The following MEIS2 variants were observed in gnomAD, a reference collection of about 807,000 sequenced individuals.
MEIS2 encodes Meis homeobox 2.
A neutral mutation model predicts 58.6 loss-of-function variants in MEIS2; 9 were observed. That is an observed-to-expected ratio of 0.15 (90% CI 0.09 to 0.27). The LOEUF (loss-of-function observed/expected upper bound fraction) is 0.27, where lower values mean the gene tolerates loss of function less well. Ranked by LOEUF, MEIS2 falls within the 10% of genes least tolerant of loss-of-function variation. MEIS2 has a pLI of 1.00. For synonymous variants in MEIS2, 221 were observed against 228.4 expected (o/e 0.97, Z 0.29); for missense variants, 427 against 635.0 (o/e 0.67, Z 3.52).
chr15:37,051,407 T>C (rs191419058), intron 7 of MEIS2, among the ~76,000 whole-genome samples: 4 of 152,038 alleles, frequency 2.6e-5, no homozygotes, highest in African/African-American at 4.8e-5. Flanking sequence ...TTCTAGAAAA[T>C]GCAAACTTAT....
chr15:36,979,704 T>A (rs889727782), intron 8 of MEIS2, among the ~76,000 whole-genome samples: 1 of 147,428 alleles, frequency 6.8e-6, no homozygotes, highest in African/African-American at 2.5e-5. Context: ...TATAAAAATA[T>A]ATATAATATA....
intron 8 of MEIS2, among the ~76,000 whole-genome samples, chr15:37,011,822 G>A (rs1284371814): frequency 6.6e-6 from 1 of 151,854 alleles, no homozygotes; most frequent in Non-Finnish European, 1.5e-5. Flanking sequence ...GTTTCATCAT[G>A]TTGGTCAGGC....
chr15:36,940,517 A>T (rs2058337527), intron 9 of MEIS2, among the ~76,000 whole-genome samples: 1 of 151,918 alleles, frequency 6.6e-6, no homozygotes, highest in African/African-American at 2.4e-5. Flanking sequence ...AATTTAGTGA[A>T]CTCCAGTGTT....
chr15:36,893,718 G>C (rs1031902909), intron 11 of MEIS2, among the ~76,000 whole-genome samples: 1 of 152,122 alleles, frequency 6.6e-6, no homozygotes. Flanking sequence ...AGCTGTTTTA[G>C]GGAACATTGC....
intron 7 of MEIS2, among the ~76,000 whole-genome samples, chr15:37,080,703 A>AT (rs1219864683): frequency 2.0e-5 from 3 of 152,020 alleles, no homozygotes; most frequent in Non-Finnish European, 4.4e-5. Context: ...GAAAAACCAG[A>AT]TTTTCTTCCT....
At chr15:36,982,683 G>T (rs1333408980) in intron 8 of MEIS2, among the ~76,000 whole-genome samples, 1 of 152,132 alleles carries the variant, frequency 6.6e-6, no homozygotes, top group Non-Finnish European at 1.5e-5. Context: ...TGAGATTGCT[G>T]TATCACATGA....
intron 9 of MEIS2, among the ~76,000 whole-genome samples, chr15:36,903,192 A>G (rs1282476852): frequency 6.6e-6 from 1 of 152,212 alleles, no homozygotes; most frequent in East Asian, 1.9e-4. Context: ...ATGGCATGTA[A>G]CAAAACATCC....
chr15:37,049,355 G>T (rs1397910155), intron 7 of MEIS2, among the ~76,000 whole-genome samples: 1 of 152,068 alleles, frequency 6.6e-6, no homozygotes, highest in Non-Finnish European at 1.5e-5. Context: ...TCCTAAAATC[G>T]GCTGTGTTGA....
At chr15:37,021,074 C>G (rs1315823278) in intron 8 of MEIS2, among the ~76,000 whole-genome samples, 1 of 152,176 alleles carries the variant, frequency 6.6e-6, no homozygotes, top group Non-Finnish European at 1.5e-5. Context: ...CTTGGACTTT[C>G]CAGCCTCCAG....
chr15:36,945,543 T>A (rs951974775), intron 9 of MEIS2, among the ~76,000 whole-genome samples: 1 of 152,078 alleles, frequency 6.6e-6, no homozygotes, highest in Non-Finnish European at 1.5e-5. Context: ...GGGAAACTGA[T>A]TCTTTTCTCT....
At chr15:36,981,590 G>A (rs755077740) in intron 8 of MEIS2, among the ~76,000 whole-genome samples, 48 of 152,120 alleles carry the variant, frequency 3.2e-4, no homozygotes, top group African/African-American at 7.0e-4. Flanking sequence ...GTGTGTGTGC[G>A]TGCTTGCATG....
At chr15:36,993,420 T>C (rs1315303744) in intron 8 of MEIS2, among the ~76,000 whole-genome samples, 1 of 152,190 alleles carries the variant, frequency 6.6e-6, no homozygotes, top group Non-Finnish European at 1.5e-5. Flanking sequence ...GATCTCTTAG[T>C]ATATTTCTTC....
At chr15:37,031,036 C>T (rs1229215988) in intron 8 of MEIS2, among the ~76,000 whole-genome samples, 1 of 152,172 alleles carries the variant, frequency 6.6e-6, no homozygotes, top group Non-Finnish European at 1.5e-5. Context: ...TTGGTCAAAG[C>T]CTTCTGCTAG....
intron 8 of MEIS2, among the ~76,000 whole-genome samples, chr15:37,006,600 C>T (rs914254641): frequency 6.6e-6 from 1 of 152,184 alleles, no homozygotes; most frequent in Non-Finnish European, 1.5e-5. Context: ...TAGCTATATG[C>T]GTCTCTTAAT....
chr15:37,062,368 G>A (rs1459707902), intron 7 of MEIS2, among the ~76,000 whole-genome samples: 1 of 152,190 alleles, frequency 6.6e-6, no homozygotes, highest in Admixed American at 6.5e-5. Context: ...AATCATTTGT[G>A]AATGTCCCTC....
At chr15:36,913,359 C>T (rs1184637455) in intron 9 of MEIS2, among the ~76,000 whole-genome samples, 1 of 152,174 alleles carries the variant, frequency 6.6e-6, no homozygotes, top group Non-Finnish European at 1.5e-5. Flanking sequence ...TAGTTTGATT[C>T]TCCATTAAAC....
At chr15:36,934,792 A>G (rs1417929803) in intron 9 of MEIS2, among the ~76,000 whole-genome samples, 1 of 152,238 alleles carries the variant, frequency 6.6e-6, no homozygotes, top group Non-Finnish European at 1.5e-5. Context: ...TTATGCTACC[A>G]GTTATTTCAA....
chr15:37,071,142 C>CA lies in MEIS2; in HGVS notation c.754+12628dup, dbSNP rs762543650. Among the ~76,000 whole-genome samples the CA allele has an allele frequency of 6.8e-4, 103 of 150,682 alleles. No individual in the cohort carries two copies. The East Asian group carries it at 0.014, about 20-fold the overall frequency. On this transcript the variant is annotated intron_variant, in intron 7 of 11. Transcript: ENST00000561208. ...CACAATATGGACCCAATCTTCCTTT[C>CA]AAAAAAAAATAATTATTATTGAAGG...
intron 7 of MEIS2, among the ~76,000 whole-genome samples, chr15:37,037,556 A>G (rs1174815025): frequency 6.6e-6 from 1 of 152,092 alleles, no homozygotes; most frequent in Non-Finnish European, 1.5e-5. Flanking sequence ...AAAAAGATAC[A>G]CATCAAGGTA....
Sources: gnomAD v4.1 joint callset for allele counts (sites outside exome capture counted in the v4.1 genomes callset) on GRCh38, gnomAD v4.1.1 for gene constraint, MANE v1.5 for transcripts, NCBI Gene and HGNC (gene_info 2026-07-23, HGNC 2026-07-21) for gene names.